The following SLC35D4 variants were observed in gnomAD, a reference collection of about 807,000 sequenced individuals.
The protein encoded by SLC35D4 is UDP-N-acetylglucosamine transporter SLC35D4.
At chr18:23,378,185 CTCTT>C in the SLC35D4 span, among the ~76,000 whole-genome samples, 51 of 151,476 alleles carry the variant, frequency 3.4e-4, no homozygotes, top group African/African-American at 9.2e-4. Context: ...TGTATGGCTA[CTCTT>C]TCTTTCTTTC....
chr18:23,411,238 G>GGGGAA, the SLC35D4 span, among the ~76,000 whole-genome samples: 63 of 146,690 alleles, frequency 4.3e-4, no homozygotes, highest in Non-Finnish European at 8.4e-4. Flanking sequence ...GGGAAGGGAA[G>GGGGAA]GGGAAGGGAA....
the SLC35D4 span, among the ~76,000 whole-genome samples, chr18:23,382,437 C>T: frequency 5.3e-5 from 8 of 151,980 alleles, no homozygotes; most frequent in Middle Eastern, 3.4e-3. Context: ...AGAACCACCA[C>T]GTGGTTCCTG....
chr18:23,334,997 T>A, the SLC35D4 span, among the ~76,000 whole-genome samples: 1 of 150,760 alleles, frequency 6.6e-6, no homozygotes, highest in African/African-American at 2.5e-5. Flanking sequence ...AGAGCGAGAC[T>A]CTGTCTCAAA....
chr18:23,421,000 T>G, the SLC35D4 span, among the ~76,000 whole-genome samples: 1 of 151,986 alleles, frequency 6.6e-6, no homozygotes. Context: ...TCCTAGCATT[T>G]TGGGAGGTCA....
the SLC35D4 span, among the ~76,000 whole-genome samples, chr18:23,276,292 G>T: frequency 6.6e-6 from 1 of 152,056 alleles, no homozygotes; most frequent in Non-Finnish European, 1.5e-5. Flanking sequence ...GTTTCACCGT[G>T]TTAGCCAGGA....
At chr18:23,290,372 T>C in the SLC35D4 span, among the ~76,000 whole-genome samples, 1 of 152,220 alleles carries the variant, frequency 6.6e-6, no homozygotes, top group African/African-American at 2.4e-5. Flanking sequence ...TGTCTGCCTG[T>C]GGGGCTCCTG....
chr18:23,245,035 G>A, the SLC35D4 span, among the ~76,000 whole-genome samples: 1 of 152,156 alleles, frequency 6.6e-6, no homozygotes, highest in African/African-American at 2.4e-5. Context: ...GACCCTCACT[G>A]TTCTCCAGGA....
the SLC35D4 span, among the ~76,000 whole-genome samples, chr18:23,381,446 C>T: frequency 6.6e-3 from 1,004 of 152,286 alleles, 9 homozygotes; most frequent in African/African-American, 0.023. Flanking sequence ...CTCAAGTGAT[C>T]CTCCTGCCTT....
At chr18:23,317,306 T>C in the SLC35D4 span, among the ~76,000 whole-genome samples, 1 of 152,214 alleles carries the variant, frequency 6.6e-6, no homozygotes, top group African/African-American at 2.4e-5. Context: ...TCTCTGATTA[T>C]TGCTATGTTC....
chr18:23,330,150 T>C, the SLC35D4 span, among the ~76,000 whole-genome samples: 1 of 151,872 alleles, frequency 6.6e-6, no homozygotes, highest in African/African-American at 2.4e-5. Context: ...TACCTATGCA[T>C]CAGATTTGCA....
chr18:23,286,916 T>C, the SLC35D4 span, among the ~76,000 whole-genome samples: 2 of 151,776 alleles, frequency 1.3e-5, no homozygotes, highest in Non-Finnish European at 2.9e-5. Context: ...CTCCTTTGCG[T>C]CCTCCTCTTG....
the SLC35D4 span, among the ~76,000 whole-genome samples, chr18:23,355,499 G>A: frequency 3.3e-5 from 5 of 152,058 alleles, no homozygotes; most frequent in Admixed American, 6.5e-5. Context: ...CAGGAACTAC[G>A]AAAGTGAATT....
At chr18:23,380,339 C>A in the SLC35D4 span, among the ~76,000 whole-genome samples, 9 of 152,106 alleles carry the variant, frequency 5.9e-5, no homozygotes, top group African/African-American at 2.2e-4. Context: ...GCCAGTCCTG[C>A]GGTGTCACCC....
chr18:23,437,633 C>T, the SLC35D4 span: 1 of 770,034 alleles, frequency 1.3e-6, no homozygotes, highest in South Asian at 1.7e-5. Context: ...GAAAGAGCAT[C>T]CCACACACGG....
At chr18:23,404,903 T>C in the SLC35D4 span, among the ~76,000 whole-genome samples, 2 of 147,528 alleles carry the variant, frequency 1.4e-5, no homozygotes, top group African/African-American at 5.0e-5. Context: ...GGAGAATTGA[T>C]TGAACCCAGG....
the SLC35D4 span, among the ~76,000 whole-genome samples, chr18:23,404,923 T>G: frequency 7.3e-6 from 1 of 136,596 alleles, no homozygotes; most frequent in Admixed American, 8.7e-5. Context: ...GAGGCAGAGG[T>G]TGCAGTGAGC....
At chr18:23,346,282 T>C in the SLC35D4 span, among the ~76,000 whole-genome samples, 1 of 152,176 alleles carries the variant, frequency 6.6e-6, no homozygotes, top group African/African-American at 2.4e-5. Context: ...CATAGGCACA[T>C]GCCACCATGC....
chr18:23,266,693 G>A, the SLC35D4 span, among the ~76,000 whole-genome samples: 1 of 152,222 alleles, frequency 6.6e-6, no homozygotes, highest in East Asian at 1.9e-4. Flanking sequence ...TCCCCCAGGT[G>A]CTTACTTGAG....
At chr18:23,358,471 C>G in the SLC35D4 span, among the ~76,000 whole-genome samples, 1 of 151,982 alleles carries the variant, frequency 6.6e-6, no homozygotes, top group Non-Finnish European at 1.5e-5. Flanking sequence ...ACACAGTCCT[C>G]GGGAAATCAT....
Sources: gnomAD v4.1 joint callset for allele counts (sites outside exome capture counted in the v4.1 genomes callset) on GRCh38, gnomAD v4.1.1 for gene constraint, MANE v1.5 for transcripts, NCBI Gene and HGNC (gene_info 2026-07-23, HGNC 2026-07-21) for gene names.